RFX6: variants seen among roughly 807,000 people sequenced by gnomAD.
RFX6 encodes the protein regulatory factor X6.
Under a neutral mutation model 110.8 loss-of-function variants are expected in RFX6, and 50 were observed. The ratio of observed to expected loss-of-function variants is 0.45; its 90% CI spans 0.36 to 0.57. The LOEUF is 0.57. RFX6 is among the 20% of genes least tolerant of loss of function. The probability of loss-of-function intolerance (pLI) is 0.00; values close to 1 mark genes in which losing one functional copy is unlikely to be tolerated. For synonymous variants in RFX6, 383 were observed against 411.2 expected (o/e 0.93, Z 0.83); for missense variants, 990 against 1,127.0 (o/e 0.88, Z 1.74).
chr6:116,927,494 G>T lies in RFX6; in HGVS notation c.2353G>T (p.Ala785Ser), dbSNP rs1213126863. The change falls in exon 17 of 19, where the codon GCT becomes TCT. Residue 785 changes from alanine to serine, a missense_variant. By Grantham distance (99) the Ala-to-Ser change is moderately conservative (BLOSUM62 1). Coordinates refer to ENST00000332958, the MANE Select transcript of RFX6 (RefSeq NM_173560.4). ...GSFNFLSNTG[A>S]ASCQGATLPP... ...CTTCAATTTCTTGAGCAACACAGGA[G>T]CTGCCAGCTGCCAAGGAGCAACACT... The T allele has an allele frequency of 6.2e-7, 1 of 1,613,824 alleles. No individual in the cohort carries two copies. Among genetic ancestry groups the T allele is most frequent in the East Asian group, 2.2e-5 (1 of 44,886 alleles).
At chr6:116,879,573 G>T (rs1346891397) in intron 2 of RFX6, among the ~76,000 whole-genome samples, 1 of 151,560 alleles carries the variant, frequency 6.6e-6, no homozygotes, top group Non-Finnish European at 1.5e-5. Flanking sequence ...TACACATTAG[G>T]ATATTTTAAA....
intron 5 of RFX6, 139 bp from the exon 6 acceptor site, chr6:116,895,041 C>G: frequency 1.8e-6 from 1 of 543,744 alleles, no homozygotes; most frequent in Non-Finnish European, 3.4e-6. Context: ...TGCTTGATTT[C>G]TTTAAAAAAA....
At chr6:116,896,599 AG>A (rs948348175) in intron 6 of RFX6, among the ~76,000 whole-genome samples, 1 of 5,248 alleles carries the variant, frequency 1.9e-4, no homozygotes, top group African/African-American at 8.4e-4. Flanking sequence ...CAGCTACTCA[AG>A]GAGGCTGAGG....
At chr6:116,896,364 C>A (rs1433099948) in intron 6 of RFX6, among the ~76,000 whole-genome samples, 1 of 152,120 alleles carries the variant, frequency 6.6e-6, no homozygotes, top group African/African-American at 2.4e-5. Flanking sequence ...ATAGCCTAAC[C>A]ATTTTCTGTG....
chr6:116,927,043 A>G lies in RFX6; in HGVS notation c.1902A>G (p.Ser634=). 2 of 1,614,038 alleles carry G rather than the reference A, an allele frequency of 1.2e-6. No individual in the cohort carries two copies. The highest frequency in any genetic ancestry group is 1.7e-6 in the Non-Finnish European group (2 of 1,179,920). The change falls in exon 17 of 19, where the codon TCA becomes TCG. Residue 634 remains serine, a synonymous_variant. Transcript: ENST00000332958. Reference sequence around the variant, plus strand: ...TTTTTCCAGGTCAAATGGAGCTTTCACAGATTGCTGGTCATCTGATGACAC... The same window carrying G: ...TTTTTCCAGGTCAAATGGAGCTTTCGCAGATTGCTGGTCATCTGATGACAC... The part of the protein sequence containing the change: ...NMPLTGQMEL[S]QIAGHLMTPP...
intron 4 of RFX6, among the ~76,000 whole-genome samples, chr6:116,889,163 T>A (rs1280690261): frequency 6.6e-6 from 1 of 152,162 alleles, no homozygotes; most frequent in Non-Finnish European, 1.5e-5. Context: ...TTATATATAT[T>A]GTTTACGTAT....
chr6:116,908,432 A>G (rs1242542091), intron 6 of RFX6, among the ~76,000 whole-genome samples: 1 of 152,134 alleles, frequency 6.6e-6, no homozygotes, highest in East Asian at 1.9e-4. Flanking sequence ...TTACATCAGT[A>G]GCAAATAATG....
intron 6 of RFX6, among the ~76,000 whole-genome samples, chr6:116,909,708 T>C (rs993386459): frequency 6.7e-6 from 1 of 148,182 alleles, no homozygotes. Context: ...ATTTCTACTA[T>C]ATTTTAAATA....
intron 2 of RFX6, among the ~76,000 whole-genome samples, chr6:116,879,865 A>G (rs1400010973): frequency 6.6e-6 from 1 of 152,010 alleles, no homozygotes; most frequent in African/African-American, 2.4e-5. Context: ...CAAAGGTTAT[A>G]TAGTTATTTT....
chr6:116,887,295 T>A (rs75641396), intron 4 of RFX6, among the ~76,000 whole-genome samples: 1 of 152,002 alleles, frequency 6.6e-6, no homozygotes, highest in Admixed American at 6.5e-5. Flanking sequence ...GAAGCGTCAC[T>A]CTAGGGCACC....
chr6:116,924,656 AT>A lies in RFX6; in HGVS notation c.1556-12del, dbSNP rs768110585. 3.7e-6 allele frequency: 6 copies of A among 1,607,742 alleles called. No homozygotes were observed. In the African/African-American group the frequency reaches 8.0e-5, roughly 22 times the overall value. ...TCACACTGTCCTCTCCTCATTCTCC[AT>A]CCATAAACAAGGTTCTTTTCATTTG... is the stretch of plus-strand genomic sequence containing the variant. On this transcript the variant is annotated splice_polypyrimidine_tract_variant and intron_variant, in intron 14 of 18. Transcript: ENST00000332958.
intron 6 of RFX6, among the ~76,000 whole-genome samples, chr6:116,910,346 G>A (rs754396744): frequency 6.6e-6 from 1 of 152,104 alleles, no homozygotes; most frequent in Middle Eastern, 3.2e-3. Context: ...TCTGAAAATA[G>A]CTCAAGTATG....
At chr6:116,925,186 A>G (rs1775684219) in intron 15 of RFX6, among the ~76,000 whole-genome samples, 1 of 152,190 alleles carries the variant, frequency 6.6e-6, no homozygotes. Flanking sequence ...AGGATAGGGC[A>G]ACTTGCATTT....
At chr6:116,920,680 A>T (rs1369385233) in intron 12 of RFX6, among the ~76,000 whole-genome samples, 1 of 152,052 alleles carries the variant, frequency 6.6e-6, no homozygotes, top group African/African-American at 2.4e-5. Flanking sequence ...ATCACATCTG[A>T]TTGAAAAAAA....
intron 6 of RFX6, 29 bp from the exon 7 acceptor site, chr6:116,910,906 G>A: frequency 7.3e-7 from 1 of 1,375,362 alleles, no homozygotes; most frequent in Non-Finnish European, 1.0e-6. Context: ...TGATAATGAT[G>A]TATTTGTTTT....
In RFX6 at chr6:116,895,217, A is replaced by C. The variant is rs768274823; in HGVS notation, c.672+10A>C. 2 of 1,415,134 alleles carry C rather than the reference A, an allele frequency of 1.4e-6. No homozygotes were observed. The highest frequency in any genetic ancestry group is 2.0e-6 in the Non-Finnish European group (2 of 1,000,814). The allele number at this position is 1,415,134 out of a possible 1,614,324, so 87.7% of individuals were successfully genotyped here. On this transcript the variant is annotated intron_variant, in intron 6 of 18. Transcript: ENST00000332958. The stretch of plus-strand genomic sequence containing the variant: ...CAAGCTAAAGAATGAGGTAAGAATT[A>C]TTTTCATCTCTATTTTACATCTGCT...
Position 116,931,452 on chromosome 6 carries a change from C to T in RFX6, c.2733C>T (p.Ser911=), listed in dbSNP as rs757389392. 6.2e-7 allele frequency: 1 copy of T among 1,613,520 alleles called. No homozygotes were observed. The highest frequency in any genetic ancestry group is 8.5e-7 in the Non-Finnish European group (1 of 1,179,520). ...SHGTSSREMV[S]SLPPINTVFM... ...GAACAAGCAGTAGAGAAATGGTGTC[C>T]TCTTTACCACCTATCAACACTGTGT... The change falls in exon 19 of 19, where the codon TCC becomes TCT. Residue 911 remains serine, a synonymous_variant. Coordinates refer to ENST00000332958, the MANE Select transcript of RFX6 (RefSeq NM_173560.4).
chr6:116,905,645 C>G (rs768111590), intron 6 of RFX6, among the ~76,000 whole-genome samples: 1 of 151,594 alleles, frequency 6.6e-6, no homozygotes, highest in East Asian at 1.9e-4. Context: ...CTCTGCCTCC[C>G]GTGTTCAAGC....
intron 6 of RFX6, among the ~76,000 whole-genome samples, chr6:116,906,699 A>G (rs897467556): frequency 1.3e-5 from 2 of 151,902 alleles, no homozygotes; most frequent in African/African-American, 4.8e-5. Context: ...TAGTTTTTGC[A>G]TGCTGACTTT....
Sources: allele counts gnomAD v4.1 joint callset (sites outside exome capture counted in the v4.1 genomes callset), GRCh38; gene constraint gnomAD v4.1.1; transcripts MANE v1.5; gene names NCBI Gene and HGNC (gene_info 2026-07-23, HGNC 2026-07-21).